Variants in HADHB observed in about 807,000 individuals in gnomAD.
The protein encoded by HADHB is trifunctional enzyme subunit beta, mitochondrial.
HADHB carries 50 observed loss-of-function variants against 61.9 expected under a neutral mutation model. That is an observed-to-expected ratio of 0.81 (90% confidence interval 0.64 to 1.02). The LOEUF is 1.02. Ranked by LOEUF, HADHB falls within the 50% of genes least tolerant of loss-of-function variation. The pLI is 0.00. For synonymous variants in HADHB, 191 were observed against 201.6 expected, an observed-to-expected ratio of 0.95 and a Z score of 0.45; for missense variants, 504 against 586.5, an observed-to-expected ratio of 0.86 and a Z score of 1.45.
In HADHB at chr2:26,283,043, A is replaced by G. The variant is rs778929802; in HGVS notation, c.1053A>G (p.Leu351=). The change falls in exon 12 of 16, where the codon CTA becomes CTG. Residue 351 remains leucine (L), a synonymous_variant. Coordinates refer to ENST00000317799, the MANE Select transcript of HADHB (RefSeq NM_000183.3). ...TGTCTCAGGATCCAAAAGATCAACT[A>G]TTACTTGGGTAGGTAGCAGTTTGTA... ...MYVSQDPKDQ[L]LLGPTYATPK... The G allele has an allele frequency of 1.2e-6, 2 of 1,605,398 alleles. No individual in the cohort carries two copies. Among genetic ancestry groups the G allele is most frequent in the South Asian group, 1.1e-5 (1 of 90,886 alleles).
At chr2:26,282,251 CT>C (rs67626722) in intron 10 of HADHB, among the ~76,000 whole-genome samples, 17,118 of 106,836 alleles carry the variant, frequency 0.16, 535 homozygotes, top group Middle Eastern at 0.21. Context: ...GCAGTTCTTT[CT>C]TTTTTTTTTT....
intron 15 of HADHB, among the ~76,000 whole-genome samples, chr2:26,287,995 G>T (rs141032648): frequency 1.1e-4 from 17 of 152,120 alleles, no homozygotes; most frequent in Non-Finnish European, 1.5e-4. Context: ...GGCTGGGTGC[G>T]GTAGCTTATG....
chr2:26,261,115 A>AT, intron 3 of HADHB: 1 of 890,624 alleles, frequency 1.1e-6, no homozygotes, highest in South Asian at 1.4e-5. Context: ...TGACTTAGGG[A>AT]TGTGTCTATG....
intron 7 of HADHB, among the ~76,000 whole-genome samples, chr2:26,277,570 C>T (rs1030139557): frequency 6.6e-6 from 1 of 152,148 alleles, no homozygotes; most frequent in Non-Finnish European, 1.5e-5. Context: ...AAGATTAGCA[C>T]AGATCTCTAT....
chr2:26,284,809 C>A, intron 13 of HADHB, 74 bp from the exon 14 acceptor site: 1 of 860,888 alleles, frequency 1.2e-6, no homozygotes, highest in Non-Finnish European at 2.0e-6. Context: ...GTTAAACTTT[C>A]ACAAACCATT....
chr2:26,290,304 C>G lies in HADHB; in HGVS notation c.*351C>G, dbSNP rs7575987. The G allele has an allele frequency of 0.013, 4,197 of 331,350 alleles. 154 individuals are homozygous for G. The highest frequency in any genetic ancestry group is 0.082 in the African/African-American group (3,856 of 47,254). The allele number at this position is 331,350 out of a possible 1,614,324, so 20.5% of individuals were successfully genotyped here. ...GTAATATTTGCAAATTATACTTGTTCTTATCTGTGTCCTAAAGATGTGTTC... is the reference window on the plus strand; with the variant it reads ...GTAATATTTGCAAATTATACTTGTTGTTATCTGTGTCCTAAAGATGTGTTC... On this transcript the variant is annotated 3_prime_UTR_variant, in exon 16 of 16. Coordinates refer to ENST00000317799, the MANE Select transcript of HADHB (RefSeq NM_000183.3).
chr2:26,271,020 A>T (rs1031539336), intron 5 of HADHB, among the ~76,000 whole-genome samples: 5 of 149,764 alleles, frequency 3.3e-5, no homozygotes, highest in African/African-American at 9.8e-5. Context: ...CTGGGACTAC[A>T]GGCGCCTGCC....
chr2:26,260,342 A>G (rs1172485998), intron 3 of HADHB, among the ~76,000 whole-genome samples: 1 of 152,180 alleles, frequency 6.6e-6, no homozygotes, highest in Non-Finnish European at 1.5e-5. Context: ...TCAGCCTCCC[A>G]AAGCGGTGAG....
intron 14 of HADHB, 111 bp downstream of exon 14, chr2:26,285,068 A>G: frequency 1.4e-6 from 1 of 718,128 alleles, no homozygotes; most frequent in Non-Finnish European, 2.5e-6. Flanking sequence ...CTTTTGAAGA[A>G]TTTTGTCTTT....
chr2:26,256,715 A>G (rs1671627741), intron 3 of HADHB, among the ~76,000 whole-genome samples: 1 of 152,196 alleles, frequency 6.6e-6, no homozygotes, highest in African/African-American at 2.4e-5. Context: ...ATATTTGCAA[A>G]TAAGAAAATC....
intron 12 of HADHB, 29 bp from the exon 13 acceptor site, chr2:26,284,088 T>C: frequency 7.8e-7 from 1 of 1,280,132 alleles, no homozygotes; most frequent in Non-Finnish European, 1.1e-6. Flanking sequence ...AATTAAAGTT[T>C]TAAGATATTA....
At chr2:26,269,352 G>A (rs571888409) in intron 4 of HADHB, among the ~76,000 whole-genome samples, 10 of 151,988 alleles carry the variant, frequency 6.6e-5, no homozygotes, top group African/African-American at 1.4e-4. Context: ...ATGCCACCAC[G>A]CCTGGCTAAT....
At chr2:26,280,345 C>T (rs927316627) in intron 10 of HADHB, among the ~76,000 whole-genome samples, 1 of 152,044 alleles carries the variant, frequency 6.6e-6, no homozygotes, top group African/African-American at 2.4e-5. Context: ...TCCTTTCAGG[C>T]ACTTAACCAG....
intron 1 of HADHB, among the ~76,000 whole-genome samples, chr2:26,252,999 T>G (rs981883887): frequency 6.6e-6 from 1 of 152,266 alleles, no homozygotes; most frequent in African/African-American, 2.4e-5. Flanking sequence ...TCTTTGCTAC[T>G]TTGAGAGACA....
At chr2:26,280,243 G>T in intron 10 of HADHB, 128 bp downstream of exon 10, 1 of 813,984 alleles carries the variant, frequency 1.2e-6, no homozygotes, top group Non-Finnish European at 2.1e-6. Context: ...TCATTTTAAT[G>T]TGAAAGTGGA....
chr2:26,269,309 C>T (rs1478784056), intron 4 of HADHB, among the ~76,000 whole-genome samples: 1 of 152,146 alleles, frequency 6.6e-6, no homozygotes, highest in Admixed American at 6.5e-5. Context: ...GTCTTCTCAC[C>T]TCAGCCTCCC....
chr2:26,257,120 T>C (rs967673857), intron 3 of HADHB, among the ~76,000 whole-genome samples: 3 of 150,262 alleles, frequency 2.0e-5, no homozygotes, highest in African/African-American at 7.4e-5. Flanking sequence ...CTTCTTTTTT[T>C]TTTTTTTTCT....
Position 26,259,558 on chromosome 2 carries a change from A to C in HADHB, c.110-3822A>C, listed in dbSNP as rs57933531. On this transcript the variant is annotated intron_variant, in intron 3 of 15. Coordinates refer to ENST00000317799, the MANE Select transcript of HADHB (RefSeq NM_000183.3). ...GGTTATAGAACAGCTGCCTTCAGCT[A>C]TTCTCCCCCAGGGCTCTGCAGAACC... 5.3e-4 allele frequency among the ~76,000 whole-genome samples: 80 copies of C among 152,196 alleles called. 1 individual carries two copies. In the East Asian group the frequency reaches 0.015, roughly 28 times the overall value.
At chr2:26,284,067 C>G (rs574805312) in intron 12 of HADHB, 50 bp from the exon 13 acceptor site, 3 of 995,496 alleles carry the variant, frequency 3.0e-6, no homozygotes, top group African/African-American at 3.2e-5. Context: ...TGAAGGAGCT[C>G]TTAGTTTAAA....
Sources: gnomAD v4.1 joint callset for allele counts (sites outside exome capture counted in the v4.1 genomes callset) on GRCh38, gnomAD v4.1.1 for gene constraint, MANE v1.5 for transcripts, NCBI Gene and HGNC (gene_info 2026-07-23, HGNC 2026-07-21) for gene names.